Variants in PIEZO2 observed in about 807,000 individuals in gnomAD.
PIEZO2 encodes the protein piezo-type mechanosensitive ion channel component 2.
A neutral mutation model predicts 337.3 loss-of-function variants in PIEZO2; 172 were observed. The ratio of observed to expected loss-of-function variants is 0.51; its 90% CI spans 0.45 to 0.58. The LOEUF (loss-of-function observed/expected upper bound fraction) is 0.58. PIEZO2 is among the 20% of genes least tolerant of loss of function. The pLI, the probability that PIEZO2 is intolerant of heterozygous loss-of-function variation, is 0.00. For synonymous variants in PIEZO2, 1,251 were observed against 1,228.5 expected (o/e 1.02, Z -0.38); for missense variants, 3,028 against 3,391.3 (o/e 0.89, Z 2.66).
intron 1 of PIEZO2, among the ~76,000 whole-genome samples, chr18:11,106,078 C>CTTTTA (rs780601765): frequency 4.8e-4 from 73 of 152,028 alleles, no homozygotes; most frequent in Non-Finnish European, 7.9e-4. Flanking sequence ...ACTTGGCAGC[C>CTTTTA]TTTTATTTTA....
chr18:10,752,636 T>G lies in PIEZO2; in HGVS notation c.4167A>C (p.Ser1389=). The G allele has an allele frequency of 6.5e-7, 1 of 1,537,080 alleles. No individual in the cohort carries two copies. The highest frequency in any genetic ancestry group is 8.7e-7 in the Non-Finnish European group (1 of 1,146,792). ...GTGTTATGCAGTGGCAACCACTTAC[T>G]GACAGGATATTTTTCATCGTAATCA... ...VFVITMKNIL[S]IGACGYIGTL... Residue 1389 remains serine (S), a splice_region_variant and synonymous_variant, in exon 28 of 56, where the codon TCA becomes TCC. Coordinates refer to ENST00000674853, the MANE Select transcript of PIEZO2 (RefSeq NM_001378183.1).
chr18:11,136,745 A>T (rs1157526127), intron 1 of PIEZO2, among the ~76,000 whole-genome samples: 1 of 152,038 alleles, frequency 6.6e-6, no homozygotes, highest in Non-Finnish European at 1.5e-5. Context: ...CCCCAGTGTG[A>T]GTCTCTGACC....
rs565463547 is a variant in PIEZO2 at position 10,766,367 on chromosome 18, C to G, written c.2947-3269G>C. ...GGAGGACAATGACTATGACAAATAC[C>G]TGGGCCACAACCAACACCTGATGAA... On this transcript the variant is annotated intron_variant, in intron 21 of 55. Transcript: ENST00000674853. The surrounding 1 kb of genome is among the most constrained non-coding windows in gnomAD (Gnocchi z 6.1). Among the ~76,000 whole-genome samples the G allele has an allele frequency of 2.0e-5, 3 of 152,200 alleles. No homozygotes were observed. Among genetic ancestry groups the G allele is most frequent in the East Asian group, 1.9e-4 (1 of 5,174 alleles).
At chr18:10,966,466 C>CT (rs1373901548) in intron 3 of PIEZO2, among the ~76,000 whole-genome samples, 1 of 152,178 alleles carries the variant, frequency 6.6e-6, no homozygotes, top group East Asian at 1.9e-4. Context: ...TAACACAAAT[C>CT]TTTACATTTA....
At chr18:10,683,200 A>G (rs915925742) in intron 49 of PIEZO2, among the ~76,000 whole-genome samples, 1 of 152,260 alleles carries the variant, frequency 6.6e-6, no homozygotes, top group Non-Finnish European at 1.5e-5. Context: ...CAGCAGATTA[A>G]AGTAAGGAAA....
chr18:11,142,724 T>C (rs543546324), intron 1 of PIEZO2, among the ~76,000 whole-genome samples: 1 of 136,900 alleles, frequency 7.3e-6, no homozygotes, highest in East Asian at 2.3e-4. Flanking sequence ...GAGGTTGCAG[T>C]GGGCCGAGAT....
intron 4 of PIEZO2, among the ~76,000 whole-genome samples, chr18:10,896,825 T>A (rs1467877127): frequency 6.6e-6 from 1 of 152,140 alleles, no homozygotes; most frequent in African/African-American, 2.4e-5. Flanking sequence ...GAGAAGAAGG[T>A]TCCTGTTGGT....
At chr18:10,804,932 C>T (rs2144308499) in intron 8 of PIEZO2, among the ~76,000 whole-genome samples, 1 of 152,290 alleles carries the variant, frequency 6.6e-6, no homozygotes, top group South Asian at 2.1e-4. Context: ...TAGTTTGAAG[C>T]CCACTTCTCT....
chr18:10,797,436 T>C lies in PIEZO2; in HGVS notation c.1465A>G (p.Met489Val). 3 of 1,537,196 alleles carry C rather than the reference T, an allele frequency of 2.0e-6. No homozygotes were observed. Among genetic ancestry groups the C allele is most frequent in the Non-Finnish European group, 2.6e-6 (3 of 1,146,898 alleles). The change falls in exon 12 of 56, where the codon ATG becomes GTG. Residue 489 changes from methionine to valine, a missense_variant. By Grantham distance (21) the Met-to-Val change is conservative. Around this residue, in one of 5 missense-constraint regions of PIEZO2, gnomAD observed 542 missense variants for 605.6 expected, o/e 0.89. Transcript: ENST00000674853. ...ATAATAAATTGGAATACGGAGACCA[T>C]GGCATGAACTTTGATACTTCTTTTT... ...EEKRSIKVHAMVSVFQFIMKQ... is the reference protein window; with the variant it reads ...EEKRSIKVHAVVSVFQFIMKQ...
Position 10,945,354 on chromosome 18 carries a change from T to C in PIEZO2, c.287-34126A>G, listed in dbSNP as rs912997769. Among the ~76,000 whole-genome samples, 1 of 152,112 alleles carries C rather than the reference T, an allele frequency of 6.6e-6. No homozygotes were observed. The highest frequency in any genetic ancestry group is 1.5e-5 in the Non-Finnish European group (1 of 68,020). On this transcript the variant is annotated intron_variant, in intron 3 of 55. Coordinates refer to ENST00000674853, the MANE Select transcript of PIEZO2 (RefSeq NM_001378183.1). The surrounding 1 kb of genome is among the most constrained non-coding windows in gnomAD (Gnocchi z 4.0). ...GCCACTGCACCTGGCTGAAACTCTCTAAAAGACCCTCTCTTCCTTAAGAGA... is the reference window on the plus strand; with the variant it reads ...GCCACTGCACCTGGCTGAAACTCTCCAAAAGACCCTCTCTTCCTTAAGAGA...
Position 10,708,357 on chromosome 18 carries a change from C to T in PIEZO2, c.5506G>A (p.Glu1836Lys), listed in dbSNP as rs1257390536. The T allele has an allele frequency of 6.6e-6, 1 of 152,644 alleles. No individual in the cohort carries two copies. Among genetic ancestry groups the T allele is most frequent in the Non-Finnish European group, 1.5e-5 (1 of 68,050 alleles). 9.5% of individuals were successfully genotyped at this position (152,644 alleles called of 1,614,324 possible). ...LDGQEIPKTS[E>K]RARPRLRKML... ...TTACGGAGCCTAGGCCGAGCACGCT[C>T]GCTTGTTTTAGGAATTTCTTGTCCA... The change falls in exon 40 of 56, where the codon GAG (glutamate) becomes AAG (lysine). Residue 1836 changes from glutamate (E) to lysine (K), a missense_variant. By Grantham distance (56) the Glu-to-Lys change is moderately conservative (BLOSUM62 1). Around this residue, in one of 5 missense-constraint regions of PIEZO2, gnomAD observed 1,925 missense variants for 2,051.9 expected, o/e 0.94. Coordinates refer to ENST00000674853, the MANE Select transcript of PIEZO2 (RefSeq NM_001378183.1).
Position 10,853,367 on chromosome 18 carries a change from A to T in PIEZO2, c.917+1986T>A, listed in dbSNP as rs923098945. ...TTCCAAGTGTACTTCACTTCCTTTC[A>T]TTCCTGCTCTAAAGCTTTTTAATAC... is the stretch of plus-strand genomic sequence containing the variant. On this transcript the variant is annotated intron_variant, in intron 7 of 55. Transcript: ENST00000674853. This position sits in a 1 kb window ranked among gnomAD's most constrained non-coding sequence, Gnocchi z 4.2. 6.6e-6 allele frequency among the ~76,000 whole-genome samples: 1 copy of T among 152,142 alleles called. No individual in the cohort carries two copies. The highest frequency in any genetic ancestry group is 1.5e-5 in the Non-Finnish European group (1 of 68,024).
At chr18:11,100,379 A>G (rs2039376258) in intron 1 of PIEZO2, among the ~76,000 whole-genome samples, 1 of 152,204 alleles carries the variant, frequency 6.6e-6, no homozygotes, top group Non-Finnish European at 1.5e-5. Context: ...TCACAAAAAT[A>G]TTCATGTATT....
rs746471824 is a variant in PIEZO2, at chr18:10,864,378, T to C, written c.492+6875A>G. Among the ~76,000 whole-genome samples, 13 of 152,170 alleles carry C rather than the reference T, an allele frequency of 8.5e-5. 1 individual carries two copies. In the Middle Eastern group the frequency reaches 0.01, roughly 119 times the overall value. On this transcript the variant is annotated intron_variant, in intron 5 of 55. Coordinates refer to ENST00000674853, the MANE Select transcript of PIEZO2 (RefSeq NM_001378183.1). The stretch of plus-strand genomic sequence containing the variant: ...CCCCAGTAGTCACTCAGGGAAGATA[T>C]AACTACTTATAAATTGAGAATATAA...
rs1047673017 is a variant in PIEZO2 at position 11,023,973 on chromosome 18, A to G, written c.160+42154T>C. On this transcript the variant is annotated intron_variant, in intron 2 of 55. Transcript: ENST00000674853. The stretch of plus-strand genomic sequence containing the variant: ...GCCGCCGAGCCCACGCCCACCCGTA[A>G]CTCCAGCTGGCCCGCAAGCCCCACG... 1.1e-4 allele frequency among the ~76,000 whole-genome samples: 17 copies of G among 151,972 alleles called. 1 individual carries two copies. In the South Asian group the frequency reaches 1.9e-3, roughly 17 times the overall value.
chr18:10,928,718 C>A (rs569340101), intron 3 of PIEZO2, among the ~76,000 whole-genome samples: 228 of 151,270 alleles, frequency 1.5e-3, no homozygotes, highest in African/African-American at 5.0e-3. Flanking sequence ...GCCAAAAGTT[C>A]CCCCTATTTA....
chr18:11,144,764 T>C (rs1235924268), intron 1 of PIEZO2, among the ~76,000 whole-genome samples: 1 of 152,218 alleles, frequency 6.6e-6, no homozygotes, highest in African/African-American at 2.4e-5. Context: ...TAAGCTCTGA[T>C]TGCCTGTTTT....
intron 2 of PIEZO2, among the ~76,000 whole-genome samples, chr18:10,998,764 A>T (rs544703770): frequency 2.0e-5 from 3 of 152,128 alleles, no homozygotes; most frequent in African/African-American, 7.2e-5. Flanking sequence ...TAACTGAGAA[A>T]ATTAACAATA....
rs1391305532 is a variant in PIEZO2, at chr18:11,077,981, C to T, written c.65-11759G>A. On this transcript the variant is annotated intron_variant, in intron 1 of 55. Transcript: ENST00000674853. The surrounding 1 kb of genome is among the most constrained non-coding windows in gnomAD (Gnocchi z 4.8). ...ACAGCAATGGAAAAAGGGGTGACAG[C>T]CAAGGCCACAATACACACACATACA... 6.6e-6 allele frequency among the ~76,000 whole-genome samples: 1 copy of T among 151,614 alleles called. No homozygotes were observed. The highest frequency in any genetic ancestry group is 1.5e-5 in the Non-Finnish European group (1 of 67,920).
Sources: gnomAD v4.1 joint callset for allele counts (sites outside exome capture counted in the v4.1 genomes callset) on GRCh38, gnomAD v4.1.1 for gene constraint, gnomAD v4.1.1 regional missense constraint, Gnocchi (gnomAD v3.1) non-coding constraint, MANE v1.5 for transcripts, NCBI Gene and HGNC (gene_info 2026-07-23, HGNC 2026-07-21) for gene names.